LMAN2: variants seen among roughly 807,000 people sequenced by gnomAD.
LMAN2 encodes vesicular integral-membrane protein VIP36.
Under a neutral mutation model 39.3 loss-of-function variants are expected in LMAN2, and 22 were observed. That is an observed-to-expected ratio of 0.56 (90% CI 0.40 to 0.80). The LOEUF is 0.80. LMAN2 is among the 30% of genes least tolerant of loss of function. The probability of loss-of-function intolerance (pLI) is 0.00; values close to 1 mark genes in which losing one functional copy is unlikely to be tolerated. For missense variants in LMAN2, 494 were observed against 505.4 expected, an observed-to-expected ratio of 0.98 and a Z score of 0.22; for synonymous variants, 207 against 207.8, an observed-to-expected ratio of 1.00 and a Z score of 0.03.
At chr5:177,351,021 T>C (rs1441249682) in intron 2 of LMAN2, 152 bp downstream of exon 2, 22 of 718,824 alleles carry the variant, frequency 3.1e-5, no homozygotes, top group Non-Finnish European at 1.0e-5. Context: ...CCAATACCCA[T>C]CGCCTCTTAT....
intron 2 of LMAN2, among the ~76,000 whole-genome samples, chr5:177,344,882 G>C (rs539652724): frequency 1.3e-5 from 2 of 151,552 alleles, no homozygotes; most frequent in East Asian, 4.0e-4. Flanking sequence ...CTCCAGCCTG[G>C]GCAACAGAGT....
Position 177,337,376 on chromosome 5 carries a change from C to T in LMAN2, c.662G>A (p.Arg221Gln), listed in dbSNP as rs761995183. ...TAGCCTGCTCACCGTCAGACGGCCC[C>T]GGGAGTAGCGCACAGCCAGGAAGGT... Reference protein sequence around the residue: ...HDTFLAVRYSRGRLTVMTDLE... With the variant: ...HDTFLAVRYSQGRLTVMTDLE... The change falls in exon 5 of 8, where the codon CGG becomes CAG. Residue 221 changes from arginine to glutamine, a missense_variant. Transcript: ENST00000303127. This position sits in a 1 kb window ranked among gnomAD's most constrained non-coding sequence, Gnocchi z 8.2. The T allele has an allele frequency of 6.2e-6, 10 of 1,611,274 alleles. No homozygotes were observed. Among genetic ancestry groups the T allele is most frequent in the Non-Finnish European group, 8.5e-6 (10 of 1,179,904 alleles).
intron 2 of LMAN2, among the ~76,000 whole-genome samples, chr5:177,348,826 G>A (rs1256349330): frequency 1.3e-5 from 2 of 148,912 alleles, no homozygotes; most frequent in Non-Finnish European, 3.0e-5. Context: ...GGAAGTTGCA[G>A]TGAGCCGAGA....
chr5:177,332,291 G>A lies in LMAN2; in HGVS notation c.911-45C>T. On this transcript the variant is annotated intron_variant, in intron 7 of 7. Coordinates refer to ENST00000303127, the MANE Select transcript of LMAN2 (RefSeq NM_006816.3). This position sits in a 1 kb window ranked among gnomAD's most constrained non-coding sequence, Gnocchi z 6.3. ...GGAGCTGAAACGGCAGCACGGGCCG[G>A]GGATCAGGGGGCTGCAGGAGGGCAG... is the stretch of plus-strand genomic sequence containing the variant. 6.3e-7 allele frequency: 1 copy of A among 1,577,332 alleles called. No individual in the cohort carries two copies. Among genetic ancestry groups the A allele is most frequent in the Non-Finnish European group, 8.7e-7 (1 of 1,155,742 alleles).
At chr5:177,348,701 A>C (rs1014197846) in intron 2 of LMAN2, among the ~76,000 whole-genome samples, 2 of 149,994 alleles carry the variant, frequency 1.3e-5, no homozygotes, top group Non-Finnish European at 3.0e-5. Context: ...AAAAAAAAAA[A>C]AAAAAAAAAA....
At chr5:177,339,125 T>C (rs1761516872) in intron 2 of LMAN2, among the ~76,000 whole-genome samples, 1 of 152,224 alleles carries the variant, frequency 6.6e-6, no homozygotes, top group South Asian at 2.1e-4. Flanking sequence ...CAGCGGACTG[T>C]CTGGATTCAC....
In LMAN2 at chr5:177,331,913, G is replaced by A. The variant is rs1019361935; in HGVS notation, c.*173C>T. 15 of 744,110 alleles carry A rather than the reference G, an allele frequency of 2.0e-5. No individual in the cohort carries two copies. The highest frequency in any genetic ancestry group is 6.6e-5 in the South Asian group (3 of 45,784). The allele number at this position is 744,110 out of a possible 1,614,324, so 46.1% of individuals were successfully genotyped here. ...TGGGGGGTGCCAGACCCTAAGCCTC[G>A]GCTCTGCCACCTGTCCCTGCTGGGC... On this transcript the variant is annotated 3_prime_UTR_variant, in exon 8 of 8. Transcript: ENST00000303127.
At chr5:177,343,091 A>C (rs896019031) in intron 2 of LMAN2, among the ~76,000 whole-genome samples, 2 of 152,050 alleles carry the variant, frequency 1.3e-5, no homozygotes, top group African/African-American at 4.8e-5. Flanking sequence ...GTCTCTACTA[A>C]AAATATTAAA....
intron 6 of LMAN2, among the ~76,000 whole-genome samples, chr5:177,335,406 G>GT (rs969842412): frequency 6.6e-6 from 1 of 152,190 alleles, no homozygotes; most frequent in African/African-American, 2.4e-5. Context: ...GACATCACCC[G>GT]TAAGGTGCCT....
At chr5:177,344,653 C>T (rs1761608235) in intron 2 of LMAN2, among the ~76,000 whole-genome samples, 1 of 151,764 alleles carries the variant, frequency 6.6e-6, no homozygotes, top group Admixed American at 6.6e-5. Flanking sequence ...CACCTGTAAT[C>T]CCAGCACTTT....
At position 177,351,263 on chromosome 5, in the gene LMAN2, C is replaced by T; in HGVS notation, c.225G>A (p.Trp75Ter). 1 of 1,614,126 alleles carries T rather than the reference C, an allele frequency of 6.2e-7. No homozygotes were observed. Among genetic ancestry groups the T allele is most frequent in the Non-Finnish European group, 8.5e-7 (1 of 1,180,024 alleles). The change falls in exon 2 of 8, where the codon TGG (tryptophan) becomes TGA (stop). Residue 75 changes from tryptophan to a stop codon, truncating the protein, a stop_gained. Coordinates refer to ENST00000303127, the MANE Select transcript of LMAN2 (RefSeq NM_006816.3). LOFTEE classifies it high-confidence loss of function. ...QGVGSSSMPL[W>*]DFQGSTMLTS... The stretch of plus-strand genomic sequence containing the variant: ...TGAGCATAGTGCTGCCCTGGAAGTC[C>T]CAGAGGGGCATAGAGCTGGAACCGA...
intron 2 of LMAN2, among the ~76,000 whole-genome samples, chr5:177,345,299 C>T (rs1385380240): frequency 7.4e-6 from 1 of 135,028 alleles, no homozygotes; most frequent in Admixed American, 8.0e-5. Context: ...CGTGATTACA[C>T]CATTGCATTC....
Position 177,351,492 on chromosome 5 carries a change from T to C in LMAN2, c.156A>G (p.Glu52=). The change falls in exon 1 of 8, where the codon GAA becomes GAG. Residue 52 remains glutamate, a synonymous_variant. Coordinates refer to ENST00000303127, the MANE Select transcript of LMAN2 (RefSeq NM_006816.3). ...TGAGCGAATGCTCCCGCTTGAGATG[T>C]TCACTGTTGCCGTCAGTTATATCCG... is the stretch of plus-strand genomic sequence containing the variant. The part of the protein sequence containing the change: ...VTADITDGNS[E]HLKREHSLIK... 1.9e-6 allele frequency: 3 copies of C among 1,614,094 alleles called. No homozygotes were observed. Among genetic ancestry groups the C allele is most frequent in the Non-Finnish European group, 2.5e-6 (3 of 1,179,996 alleles).
Position 177,337,604 on chromosome 5 carries a change from A to AG in LMAN2, c.514-81dup. On this transcript the variant is annotated intron_variant, in intron 4 of 7. Transcript: ENST00000303127. The surrounding 1 kb of genome is among the most constrained non-coding windows in gnomAD (Gnocchi z 8.2). ...GGGCACCCACCACCCCAATCCCTGGAGGCTCCTCTTGTGCTGGGACCATGG... is the reference window on the plus strand; with the variant it reads ...GGGCACCCACCACCCCAATCCCTGGAGGGCTCCTCTTGTGCTGGGACCATGG... 8 of 1,605,732 alleles carry AG rather than the reference A, an allele frequency of 5.0e-6. No individual in the cohort carries two copies. The highest frequency in any genetic ancestry group is 6.8e-6 in the Non-Finnish European group (8 of 1,174,868).
At chr5:177,339,405 A>G (rs1761521005) in intron 2 of LMAN2, among the ~76,000 whole-genome samples, 2 of 152,150 alleles carry the variant, frequency 1.3e-5, no homozygotes, top group African/African-American at 2.4e-5. Context: ...TGGGGATGAG[A>G]GCTGGTCAGG....
chr5:177,349,584 G>C (rs899640462), intron 2 of LMAN2, among the ~76,000 whole-genome samples: 4 of 152,238 alleles, frequency 2.6e-5, no homozygotes, highest in African/African-American at 9.6e-5. Flanking sequence ...TCGAGCCACT[G>C]ATGATGCCAA....
chr5:177,337,418 C>A lies in LMAN2; in HGVS notation c.620G>T (p.Arg207Leu), dbSNP rs763732580. ...CAGGAAGGTGTCGTGATCGCGGTTG[C>A]GGAAGTCAGCCGTGCAGCCCGCCAG... ...TELAGCTADF[R>L]NRDHDTFLAV... Residue 207 changes from arginine (R) to leucine (L), a missense_variant, in exon 5 of 8, where the codon CGC becomes CTC. Coordinates refer to ENST00000303127, the MANE Select transcript of LMAN2 (RefSeq NM_006816.3). This position sits in a 1 kb window ranked among gnomAD's most constrained non-coding sequence, Gnocchi z 8.2. 3 of 1,613,204 alleles carry A rather than the reference C, an allele frequency of 1.9e-6. No individual in the cohort carries two copies. In the Admixed American group the frequency reaches 5.0e-5, roughly 27 times the overall value.
At chr5:177,343,209 C>T (rs991615152) in intron 2 of LMAN2, among the ~76,000 whole-genome samples, 3 of 152,130 alleles carry the variant, frequency 2.0e-5, no homozygotes, top group South Asian at 2.1e-4. Context: ...GAGCCGAGAT[C>T]GCGCCACTGC....
At chr5:177,348,643 G>A (rs1333920028) in intron 2 of LMAN2, among the ~76,000 whole-genome samples, 2 of 136,092 alleles carry the variant, frequency 1.5e-5, no homozygotes, top group African/African-American at 2.8e-5. Context: ...AGCTGAGATC[G>A]CACCACTGCA....
Sources: allele counts gnomAD v4.1 joint callset (sites outside exome capture counted in the v4.1 genomes callset), GRCh38; gene constraint gnomAD v4.1.1; non-coding constraint Gnocchi (gnomAD v3.1); transcripts MANE v1.5; gene names NCBI Gene and HGNC (gene_info 2026-07-23, HGNC 2026-07-21).